Variants in IWS1 observed in about 807,000 individuals in gnomAD.
The protein encoded by IWS1 is protein IWS1 homolog.
In IWS1, 27 loss-of-function variants were observed where a neutral mutation model predicts 86.7. That is an observed-to-expected ratio of 0.31 (90% CI 0.23 to 0.43). The LOEUF (loss-of-function observed/expected upper bound fraction) is 0.43, where lower values mean the gene tolerates loss of function less well. IWS1 is among the 20% of genes least tolerant of loss of function. The pLI is 1.00. For synonymous variants in IWS1, 313 were observed against 335.1 expected, an observed-to-expected ratio of 0.93 and a Z score of 0.72; for missense variants, 827 against 1,000.8, an observed-to-expected ratio of 0.83 and a Z score of 2.34.
Position 127,492,213 on chromosome 2 carries a change from G to A in IWS1, c.1930-125C>T, listed in dbSNP as rs1690264746. The A allele has an allele frequency of 2.0e-5, 13 of 642,974 alleles. No homozygotes were observed. In the South Asian group the frequency reaches 2.4e-4, roughly 12 times the overall value. The allele number at this position is 642,974 out of a possible 1,614,324, so 39.8% of individuals were successfully genotyped here. On this transcript the variant is annotated intron_variant, in intron 9 of 13. Coordinates refer to ENST00000295321, the MANE Select transcript of IWS1 (RefSeq NM_017969.3). ...AAAAATTCCATTTTCAGGATCTACAGACATAGAACACAAAGATACTTTGTG... is the reference window on the plus strand; with the variant it reads ...AAAAATTCCATTTTCAGGATCTACAAACATAGAACACAAAGATACTTTGTG...
chr2:127,492,162 C>G (rs1690260980), intron 9 of IWS1, 74 bp from the exon 10 acceptor site: 1 of 871,258 alleles, frequency 1.1e-6, no homozygotes, highest in Non-Finnish European at 1.9e-6. Flanking sequence ...TTCTAGAGAC[C>G]TGGCACATTC....
At chr2:127,495,609 T>G (rs951179155) in intron 7 of IWS1, among the ~76,000 whole-genome samples, 2 of 152,178 alleles carry the variant, frequency 1.3e-5, no homozygotes, top group Non-Finnish European at 2.9e-5. Context: ...TTTTTATAAG[T>G]TGAGCAGATT....
intron 2 of IWS1, chr2:127,511,393 T>C (rs1191280143): frequency 6.6e-6 from 1 of 152,230 alleles, no homozygotes; most frequent in Non-Finnish European, 1.5e-5. Context: ...TGCAAAGCCG[T>C]TAGCACAGAG....
Position 127,505,137 on chromosome 2 carries a change from G to A in IWS1, c.766C>T (p.Pro256Ser), listed in dbSNP as rs944448133. The A allele has an allele frequency of 3.7e-6, 6 of 1,611,342 alleles. No individual in the cohort carries two copies. The highest frequency in any genetic ancestry group is 5.1e-6 in the Non-Finnish European group (6 of 1,178,288). Residue 256 changes from proline to serine, a missense_variant, in exon 3 of 14, where the codon CCG (proline) becomes TCG (serine). Transcript: ENST00000295321. This position sits in a 1 kb window ranked among gnomAD's most constrained non-coding sequence, Gnocchi z 5.0. ...TCTGAGTCACTGGCCTGGTGCCTCG[G>A]AGGGTCCTCACTTTCTGAGTCACTG... ...RISDSESEDPPRHQASDSENE... is the reference protein window; with the variant it reads ...RISDSESEDPSRHQASDSENE...
chr2:127,504,587 A>C (rs1691011965), intron 3 of IWS1, 97 bp downstream of exon 3: 2 of 867,176 alleles, frequency 2.3e-6, no homozygotes, highest in Non-Finnish European at 3.7e-6. Flanking sequence ...GAATAACAGA[A>C]CACAGATCTG....
chr2:127,521,558 C>G (rs924340093), intron 2 of IWS1, among the ~76,000 whole-genome samples: 1 of 152,162 alleles, frequency 6.6e-6, no homozygotes, highest in Admixed American at 6.6e-5. Flanking sequence ...CCTAGCCTAC[C>G]TTAGATGTGC....
rs767672707 is a variant in IWS1, at chr2:127,489,983, T to A, written c.2048-40A>T. ...AAATCAATTATTTTGTCCATAAAAT[T>A]GCATTTCCATTTTTTTCAAATAATT... On this transcript the variant is annotated intron_variant, in intron 10 of 13. Coordinates refer to ENST00000295321, the MANE Select transcript of IWS1 (RefSeq NM_017969.3). The surrounding 1 kb of genome is among the most constrained non-coding windows in gnomAD (Gnocchi z 4.8). 8.8e-7 allele frequency: 1 copy of A among 1,140,364 alleles called. No homozygotes were observed. Among genetic ancestry groups the A allele is most frequent in the Non-Finnish European group, 1.3e-6 (1 of 751,208 alleles). The allele number at this position is 1,140,364 out of a possible 1,614,324, so 70.6% of individuals were successfully genotyped here.
At chr2:127,525,917 C>T (rs2104755452) in intron 1 of IWS1, among the ~76,000 whole-genome samples, 1 of 152,354 alleles carries the variant, frequency 6.6e-6, no homozygotes, top group South Asian at 2.1e-4. Context: ...ACAATAGGAG[C>T]TTAACATATG....
At chr2:127,503,669 A>AAAATAAAT (rs3033265) in intron 3 of IWS1, 93 bp from the exon 4 acceptor site, 2,858 of 285,306 alleles carry the variant, frequency 0.01, 50 homozygotes, top group African/African-American at 0.053. Context: ...GTATACAGCA[A>AAAATAAAT]AAATAAATAA....
chr2:127,524,028 T>C (rs1692254490), intron 1 of IWS1, among the ~76,000 whole-genome samples: 2 of 152,242 alleles, frequency 1.3e-5, no homozygotes, highest in African/African-American at 2.4e-5. Context: ...ATTTGTAGCT[T>C]AAGAAACAAC....
intron 9 of IWS1, 26 bp downstream of exon 9, chr2:127,493,255 G>A (rs755632688): frequency 1.3e-6 from 2 of 1,595,232 alleles, no homozygotes; most frequent in Admixed American, 1.8e-5. Flanking sequence ...AATTAATAAA[G>A]AACAGTCAGA....
At chr2:127,481,980 T>G (rs1689656979) in intron 13 of IWS1, among the ~76,000 whole-genome samples, 1 of 152,192 alleles carries the variant, frequency 6.6e-6, no homozygotes, top group Non-Finnish European at 1.5e-5. Flanking sequence ...GGGGGCTATT[T>G]TATATTTTGA....
chr2:127,498,349 A>G (rs912122585), intron 5 of IWS1, 112 bp from the exon 6 acceptor site: 1 of 976,842 alleles, frequency 1.0e-6, no homozygotes. Context: ...TTCAATAGAT[A>G]TCAAAAGGTA....
chr2:127,481,253 G>A, intron 13 of IWS1, 78 bp from the exon 14 acceptor site: 3 of 1,348,712 alleles, frequency 2.2e-6, no homozygotes, highest in Non-Finnish European at 3.0e-6. Context: ...TCTTATAACT[G>A]AGTTAGCAAC....
intron 2 of IWS1, among the ~76,000 whole-genome samples, chr2:127,509,458 C>T (rs1691324894): frequency 6.6e-6 from 1 of 152,042 alleles, no homozygotes. Flanking sequence ...CCTGTAATCC[C>T]AGCACTTTGG....
chr2:127,492,973 T>C lies in IWS1; in HGVS notation c.1929+308A>G, dbSNP rs569793546. 1.1e-4 allele frequency: 20 copies of C among 187,816 alleles called. No homozygotes were observed. In the East Asian group the frequency reaches 2.5e-3, roughly 24 times the overall value. 11.6% of individuals were successfully genotyped at this position (187,816 alleles called of 1,614,324 possible). A position where few individuals can be genotyped will look rare whatever the true frequency, so the allele number is the denominator to read the frequency against. On this transcript the variant is annotated intron_variant, in intron 9 of 13. Transcript: ENST00000295321. ...AGCTCAAGATTCAAATGCAAGTTCA[T>C]ATGATTCTGAATTTGGTGTTCATTC...
chr2:127,493,924 T>TA (rs1690372379), intron 8 of IWS1, among the ~76,000 whole-genome samples: 1 of 151,990 alleles, frequency 6.6e-6, no homozygotes, highest in South Asian at 2.1e-4. Flanking sequence ...AAGATAACAT[T>TA]ATATACATAA....
intron 2 of IWS1, among the ~76,000 whole-genome samples, chr2:127,516,623 T>C (rs976763589): frequency 1.6e-4 from 24 of 152,114 alleles, no homozygotes; most frequent in African/African-American, 5.8e-4. Context: ...TAGCCAGGCA[T>C]GATGGTACGC....
intron 2 of IWS1, among the ~76,000 whole-genome samples, chr2:127,513,816 T>G (rs1691607676): frequency 6.6e-6 from 1 of 152,224 alleles, no homozygotes; most frequent in African/African-American, 2.4e-5. Flanking sequence ...TTTAGTCCTT[T>G]CAATCTCTTC....
Sources: allele counts gnomAD v4.1 joint callset (sites outside exome capture counted in the v4.1 genomes callset), GRCh38; gene constraint gnomAD v4.1.1; non-coding constraint Gnocchi (gnomAD v3.1); transcripts MANE v1.5; gene names NCBI Gene and HGNC (gene_info 2026-07-23, HGNC 2026-07-21).